The following CPLANE1 variants were observed in gnomAD, a reference collection of about 807,000 sequenced individuals.
CPLANE1 encodes ciliogenesis and planar polarity effector 1.
CPLANE1 carries 263 observed loss-of-function variants against 362.5 expected under a neutral mutation model. That is an observed-to-expected ratio of 0.73 (90% CI 0.66 to 0.80). CPLANE1 has a LOEUF of 0.80. Ranked by LOEUF, CPLANE1 falls within the 30% of genes least tolerant of loss-of-function variation. The pLI is 0.00. For missense variants in CPLANE1, 3,461 were observed against 3,793.4 expected, an observed-to-expected ratio of 0.91 and a Z score of 2.30; for synonymous variants, 1,212 against 1,302.6, an observed-to-expected ratio of 0.93 and a Z score of 1.50.
intron 7 of CPLANE1, among the ~76,000 whole-genome samples, chr5:37,239,340 G>A (rs1033631504): frequency 6.6e-6 from 1 of 152,096 alleles, no homozygotes; most frequent in Non-Finnish European, 1.5e-5. Flanking sequence ...CAGCACTTTG[G>A]GAGGCTGAGG....
At chr5:37,144,484 T>C (rs1770889374) in intron 43 of CPLANE1, among the ~76,000 whole-genome samples, 1 of 151,170 alleles carries the variant, frequency 6.6e-6, no homozygotes, top group East Asian at 2.0e-4. Flanking sequence ...AGAGAGCATC[T>C]CAGGCAATAA....
intron 50 of CPLANE1, among the ~76,000 whole-genome samples, chr5:37,117,545 T>C (rs996123151): frequency 6.6e-6 from 1 of 152,130 alleles, no homozygotes; most frequent in Non-Finnish European, 1.5e-5. Flanking sequence ...CAATTAGGAA[T>C]GTCTTCAGAC....
Position 37,209,327 on chromosome 5 carries a change from G to A in CPLANE1, c.2921-2902C>T. ...GGGCACTAAACTCGGGCCACGGCGG[G>A]GCGAGCGAGGCGGGCTCCGGAGGAA... is the stretch of plus-strand genomic sequence containing the variant. On this transcript the variant is annotated intron_variant, in intron 16 of 52. Transcript: ENST00000651892. This position sits in a 1 kb window ranked among gnomAD's most constrained non-coding sequence, Gnocchi z 4.6. The A allele has an allele frequency of 1.2e-6, 1 of 851,128 alleles. No individual in the cohort carries two copies. Among genetic ancestry groups the A allele is most frequent in the Non-Finnish European group, 2.0e-6 (1 of 490,314 alleles). 52.7% of individuals were successfully genotyped at this position (851,128 alleles called of 1,614,324 possible).
rs146196927 is a variant in CPLANE1 at position 37,125,364 on chromosome 5, T to C, written c.8838A>G (p.Glu2946=). 1.9e-6 allele frequency: 3 copies of C among 1,613,726 alleles called. No individual in the cohort carries two copies. The highest frequency in any genetic ancestry group is 1.1e-5 in the South Asian group (1 of 91,052). ...SGRHSQRTDK[E]RREIQAWMKR... ...TCATCCAGGCTTGAATCTCTCTTCT[T>C]TCCTTGTCAGTTCTTTGTGAATGTC... Residue 2946 remains glutamate, a synonymous_variant, in exon 47 of 53, where the codon GAA becomes GAG. Transcript: ENST00000651892.
At chr5:37,212,123 GA>G in intron 16 of CPLANE1, 1 of 966,588 alleles carries the variant, frequency 1.0e-6, no homozygotes, top group Non-Finnish European at 1.7e-6. Context: ...ATCAGGAAAG[GA>G]GGATGACTGA....
chr5:37,131,323 TCA>T, intron 46 of CPLANE1, among the ~76,000 whole-genome samples: 1 of 152,210 alleles, frequency 6.6e-6, no homozygotes. Context: ...CCTCTGGTCT[TCA>T]CAGTCAGCTA....
At chr5:37,233,418 A>C (rs983354828) in intron 8 of CPLANE1, among the ~76,000 whole-genome samples, 1 of 151,940 alleles carries the variant, frequency 6.6e-6, no homozygotes, top group Non-Finnish European at 1.5e-5. Flanking sequence ...CCAAGGTACC[A>C]TTTTGACTGT....
Position 37,226,312 on chromosome 5 carries a change from T to C in CPLANE1, c.2283A>G (p.Pro761=). The change falls in exon 12 of 53, where the codon CCA becomes CCG. Residue 761 remains proline (P), a synonymous_variant. Coordinates refer to ENST00000651892, the MANE Select transcript of CPLANE1 (RefSeq NM_001384732.1). Reference sequence around the variant, plus strand: ...AAAATAAGTGATTATACCTGTGTCCTGGCTGTTGCACAGGATTTACTACTT... The same window carrying C: ...AAAATAAGTGATTATACCTGTGTCCCGGCTGTTGCACAGGATTTACTACTT... ...HPQVVNPVQQ[P]GHRLLILWRI... is the part of the protein sequence containing the mutation. 6.6e-7 allele frequency: 1 copy of C among 1,513,108 alleles called. No homozygotes were observed. The highest frequency in any genetic ancestry group is 8.8e-7 in the Non-Finnish European group (1 of 1,133,596). 93.7% of individuals were successfully genotyped at this position (1,513,108 alleles called of 1,614,324 possible).
At position 37,170,204 on chromosome 5, in the gene CPLANE1, A is replaced by T. The variant is rs1226031728; in HGVS notation, c.6299T>A (p.Leu2100Gln). ...GTCTTCAACATCACCACATCCTCTT[A>T]GGTTTGATTCTTGGCTTTCCCCTAA... ...VHLGESQESN[L>Q]RGCGDVEDSN... The change falls in exon 33 of 53, where the codon CTA (leucine) becomes CAA (glutamine). Residue 2100 changes from leucine (L) to glutamine (Q), a missense_variant. Coordinates refer to ENST00000651892, the MANE Select transcript of CPLANE1 (RefSeq NM_001384732.1). 6.2e-7 allele frequency: 1 copy of T among 1,613,990 alleles called. No individual in the cohort carries two copies. The highest frequency in any genetic ancestry group is 8.5e-7 in the Non-Finnish European group (1 of 1,180,044).
At chr5:37,232,854 A>AG (rs1463528871) in intron 8 of CPLANE1, among the ~76,000 whole-genome samples, 1 of 151,190 alleles carries the variant, frequency 6.6e-6, no homozygotes, top group Non-Finnish European at 1.5e-5. Context: ...AAAAAAAAAA[A>AG]AAAAAAAAGA....
intron 46 of CPLANE1, among the ~76,000 whole-genome samples, chr5:37,133,701 G>C (rs1380284459): frequency 6.6e-6 from 1 of 152,022 alleles, no homozygotes; most frequent in Admixed American, 6.6e-5. Flanking sequence ...TCTAGGTATA[G>C]AATCATACTG....
intron 36 of CPLANE1, among the ~76,000 whole-genome samples, chr5:37,164,537 G>A (rs891663467): frequency 6.6e-6 from 1 of 152,074 alleles, no homozygotes; most frequent in Non-Finnish European, 1.5e-5. Context: ...ATAAAAAAGA[G>A]CATTACCAAT....
rs1439967234 is a variant in CPLANE1 at position 37,157,824 on chromosome 5, A to C, written c.7857T>G (p.Asp2619Glu). The C allele has an allele frequency of 1.2e-6, 2 of 1,610,260 alleles. No individual in the cohort carries two copies. Among genetic ancestry groups the C allele is most frequent in the Non-Finnish European group, 8.5e-7 (1 of 1,178,314 alleles). ...CTCTCACAGGTAATTCCTGTAGAAG[A>C]TCATTAGCTTCAATGTCAATCACAT... is the stretch of plus-strand genomic sequence containing the variant. ...YINVIDIEAN[D>E]LLQELPVREE... The change falls in exon 40 of 53, where the codon GAT (aspartate) becomes GAG (glutamate). Residue 2619 changes from aspartate to glutamate, a missense_variant. Asp to Glu is a conservative substitution (Grantham distance 45). Around this residue, in one of 2 missense-constraint regions of CPLANE1, gnomAD observed 3,380 missense variants for 3,666.1 expected, o/e 0.92. Coordinates refer to ENST00000651892, the MANE Select transcript of CPLANE1 (RefSeq NM_001384732.1).
intron 8 of CPLANE1, among the ~76,000 whole-genome samples, chr5:37,235,594 A>G (rs912042605): frequency 8.2e-6 from 1 of 121,706 alleles, no homozygotes; most frequent in Admixed American, 9.1e-5. Flanking sequence ...TTTTTTTGCA[A>G]TGGAGTCTCG....
At chr5:37,116,779 T>C (rs1452964905) in intron 50 of CPLANE1, among the ~76,000 whole-genome samples, 2 of 152,228 alleles carry the variant, frequency 1.3e-5, no homozygotes, top group African/African-American at 4.8e-5. Context: ...TTTGAAAATC[T>C]TGATGGAGCC....
At position 37,209,455 on chromosome 5, in the gene CPLANE1, G is replaced by C; in HGVS notation, c.2921-3030C>G. 1 of 1,308,646 alleles carries C rather than the reference G, an allele frequency of 7.6e-7. No individual in the cohort carries two copies. The highest frequency in any genetic ancestry group is 1.1e-6 in the Non-Finnish European group (1 of 903,512). 81.1% of individuals were successfully genotyped at this position (1,308,646 alleles called of 1,614,324 possible). A position where few individuals can be genotyped will look rare whatever the true frequency, so the allele number is the denominator to read the frequency against. On this transcript the variant is annotated intron_variant, in intron 16 of 52. Transcript: ENST00000651892. The surrounding 1 kb of genome is among the most constrained non-coding windows in gnomAD (Gnocchi z 4.6). The stretch of plus-strand genomic sequence containing the variant: ...CTATACCAGACATTTAAGGATCGGG[G>C]TATACTGGAAACACTCAAGATACAA...
chr5:37,233,973 C>T (rs1366480695), intron 8 of CPLANE1, among the ~76,000 whole-genome samples: 2 of 152,146 alleles, frequency 1.3e-5, no homozygotes, highest in East Asian at 3.8e-4. Context: ...TGCCACCAAC[C>T]CTGTGTACTA....
chr5:37,121,069 T>C (rs1314430800), intron 49 of CPLANE1, among the ~76,000 whole-genome samples: 2 of 152,240 alleles, frequency 1.3e-5, no homozygotes, highest in Admixed American at 6.5e-5. Flanking sequence ...TAAGAAATTT[T>C]ATACTTGGGT....
Position 37,209,014 on chromosome 5 carries a change from C to A in CPLANE1, c.2921-2589G>T, listed in dbSNP as rs1030380379. 4.6e-5 allele frequency among the ~76,000 whole-genome samples: 7 copies of A among 152,114 alleles called. No individual in the cohort carries two copies. Among genetic ancestry groups the A allele is most frequent in the Admixed American group, 6.5e-5 (1 of 15,274 alleles). Reference sequence around the variant, plus strand: ...CCAGAACGGGAAGGCTGTACTGAGCCGGTCTCGGGAGACGAAGGATGGGAT... The same window carrying A: ...CCAGAACGGGAAGGCTGTACTGAGCAGGTCTCGGGAGACGAAGGATGGGAT... On this transcript the variant is annotated intron_variant, in intron 16 of 52. Transcript: ENST00000651892. The surrounding 1 kb of genome is among the most constrained non-coding windows in gnomAD (Gnocchi z 4.6).
Sources: gnomAD v4.1 joint callset for allele counts (sites outside exome capture counted in the v4.1 genomes callset) on GRCh38, gnomAD v4.1.1 for gene constraint, gnomAD v4.1.1 regional missense constraint, Gnocchi (gnomAD v3.1) non-coding constraint, MANE v1.5 for transcripts, NCBI Gene and HGNC (gene_info 2026-07-23, HGNC 2026-07-21) for gene names.